The following CDC73 variants were observed in gnomAD, a reference collection of about 807,000 sequenced individuals.
The protein encoded by CDC73 is cell division cycle 73.
CDC73 carries 21 observed loss-of-function variants against 83.7 expected under a neutral mutation model. The ratio of observed to expected loss-of-function variants is 0.25; its 90% CI spans 0.18 to 0.36. The LOEUF is 0.36. Among genes scored for constraint, CDC73 ranks in the 10% least tolerant of loss-of-function variants. CDC73 has a pLI of 1.00. For synonymous variants in CDC73, 224 were observed against 212.9 expected (o/e 1.05, Z -0.45); for missense variants, 342 against 653.3 (o/e 0.52, Z 5.19).
chr1:193,159,149 G>A (rs1423571902), intron 10 of CDC73, among the ~76,000 whole-genome samples: 2 of 152,070 alleles, frequency 1.3e-5, no homozygotes, highest in Admixed American at 6.5e-5. Flanking sequence ...GGCAGATAAT[G>A]TTCTGGTTAT....
chr1:193,193,396 A>G (rs1676950061), intron 10 of CDC73, among the ~76,000 whole-genome samples: 1 of 151,754 alleles, frequency 6.6e-6, no homozygotes, highest in Non-Finnish European at 1.5e-5. Context: ...TCATATATAA[A>G]CTCTTAATTG....
intron 10 of CDC73, among the ~76,000 whole-genome samples, chr1:193,153,493 AT>A (rs1676156556): frequency 6.6e-6 from 1 of 152,194 alleles, no homozygotes; most frequent in African/African-American, 2.4e-5. Context: ...TACGGACTCT[AT>A]ATAACATGGA....
chr1:193,163,424 T>C (rs1676377064), intron 10 of CDC73, among the ~76,000 whole-genome samples: 1 of 152,022 alleles, frequency 6.6e-6, no homozygotes, highest in Non-Finnish European at 1.5e-5. Context: ...GGTAGATTGA[T>C]TAAGCCCAGG....
At chr1:193,129,155 G>A (rs1393535679) in intron 2 of CDC73, among the ~76,000 whole-genome samples, 11 of 151,788 alleles carry the variant, frequency 7.2e-5, no homozygotes, top group Non-Finnish European at 1.0e-4. Context: ...CTGTCACCGC[G>A]CCTAGCTAAT....
intron 10 of CDC73, among the ~76,000 whole-genome samples, chr1:193,165,215 A>G (rs1039633120): frequency 6.6e-6 from 1 of 152,226 alleles, no homozygotes; most frequent in Non-Finnish European, 1.5e-5. Context: ...CACTTATTAC[A>G]GGTTGATAGT....
At chr1:193,173,386 A>C (rs1676552226) in intron 10 of CDC73, among the ~76,000 whole-genome samples, 2 of 152,004 alleles carry the variant, frequency 1.3e-5, no homozygotes, top group South Asian at 4.1e-4. Context: ...TTTTTTTCTA[A>C]AGTATTTAAA....
chr1:193,138,912 T>C (rs1675851240), intron 6 of CDC73, among the ~76,000 whole-genome samples: 1 of 151,582 alleles, frequency 6.6e-6, no homozygotes, highest in African/African-American at 2.4e-5. Context: ...GTAGCTGGGA[T>C]TACAGGCGCC....
At chr1:193,214,505 C>T (rs976994564) in intron 13 of CDC73, among the ~76,000 whole-genome samples, 12 of 152,210 alleles carry the variant, frequency 7.9e-5, no homozygotes, top group African/African-American at 2.9e-4. Context: ...ATCATGAGGT[C>T]AGGAGATCAA....
chr1:193,169,635 A>G lies in CDC73; in HGVS notation c.972+17191A>G, dbSNP rs142470628. On this transcript the variant is annotated intron_variant, in intron 10 of 16. Coordinates refer to ENST00000367435, the MANE Select transcript of CDC73 (RefSeq NM_024529.5). ...TGTAGATAAAATTACTTTCCTGTTT[A>G]TCTTATGAGATGCAAGAATATTAAA... is the stretch of plus-strand genomic sequence containing the variant. Among the ~76,000 whole-genome samples, 4 of 152,356 alleles carry G rather than the reference A, an allele frequency of 2.6e-5. No individual in the cohort carries two copies. In the East Asian group the frequency reaches 7.7e-4, roughly 29 times the overall value.
intron 10 of CDC73, among the ~76,000 whole-genome samples, chr1:193,154,184 G>A (rs1246754861): frequency 6.6e-6 from 1 of 152,182 alleles, no homozygotes; most frequent in Non-Finnish European, 1.5e-5. Flanking sequence ...TTCCCTGAGT[G>A]AATTAGTCGT....
chr1:193,231,217 A>T (rs928301791), intron 13 of CDC73, among the ~76,000 whole-genome samples: 3 of 152,208 alleles, frequency 2.0e-5, no homozygotes, highest in African/African-American at 7.2e-5. Flanking sequence ...AAACTTTAAC[A>T]CCATGTTAAA....
At chr1:193,229,710 A>T (rs1177671426) in intron 13 of CDC73, among the ~76,000 whole-genome samples, 1 of 152,254 alleles carries the variant, frequency 6.6e-6, no homozygotes, top group Non-Finnish European at 1.5e-5. Context: ...TTACAATAGA[A>T]TTCTACTTAA....
At chr1:193,228,300 T>C (rs1301976903) in intron 13 of CDC73, among the ~76,000 whole-genome samples, 1 of 152,166 alleles carries the variant, frequency 6.6e-6, no homozygotes, top group African/African-American at 2.4e-5. Flanking sequence ...CTGTGAGATA[T>C]GTGCATAGAT....
intron 13 of CDC73, among the ~76,000 whole-genome samples, chr1:193,229,428 G>A (rs554534192): frequency 6.6e-6 from 1 of 152,218 alleles, no homozygotes; most frequent in Non-Finnish European, 1.5e-5. Context: ...TCACAAATAG[G>A]ATAAGCACCC....
chr1:193,153,752 C>G (rs1400249085), intron 10 of CDC73, among the ~76,000 whole-genome samples: 1 of 151,858 alleles, frequency 6.6e-6, no homozygotes, highest in African/African-American at 2.4e-5. Context: ...TGAATTCATT[C>G]AACAAGTACT....
At chr1:193,159,631 G>A (rs1244065186) in intron 10 of CDC73, among the ~76,000 whole-genome samples, 1 of 152,112 alleles carries the variant, frequency 6.6e-6, no homozygotes, top group Admixed American at 6.6e-5. Context: ...CAAAGTGCTT[G>A]GATTACAGGC....
intron 13 of CDC73, among the ~76,000 whole-genome samples, chr1:193,222,052 A>G (rs747493290): frequency 7.9e-5 from 12 of 152,326 alleles, no homozygotes; most frequent in South Asian, 2.1e-4. Context: ...AAAAAAAATA[A>G]TAAAACCCTT....
At chr1:193,210,964 C>A (rs186069319) in intron 11 of CDC73, among the ~76,000 whole-genome samples, 1 of 152,178 alleles carries the variant, frequency 6.6e-6, no homozygotes, top group African/African-American at 2.4e-5. Context: ...TAAGCGTATT[C>A]GCACTTCGCA....
At chr1:193,126,565 T>A (rs1675577189) in intron 2 of CDC73, among the ~76,000 whole-genome samples, 1 of 152,208 alleles carries the variant, frequency 6.6e-6, no homozygotes, top group Admixed American at 6.5e-5. Context: ...GATATTTAAT[T>A]TTTTTAAATG....
Sources: allele counts gnomAD v4.1 joint callset (sites outside exome capture counted in the v4.1 genomes callset), GRCh38; gene constraint gnomAD v4.1.1; transcripts MANE v1.5; gene names NCBI Gene and HGNC (gene_info 2026-07-23, HGNC 2026-07-21).